The following SPACDR variants were observed in gnomAD, a reference collection of about 807,000 sequenced individuals.
SPACDR encodes the protein sperm acrosome developmental regulator.
the SPACDR span, chr7:100,463,518 C>A: frequency 1.2e-6 from 2 of 1,614,018 alleles, no homozygotes; most frequent in Non-Finnish European, 1.7e-6. Flanking sequence ...ACGCAGGGAT[C>A]TGCCAGCTCG....
At chr7:100,459,004 T>C in the SPACDR span, among the ~76,000 whole-genome samples, 21,325 of 146,998 alleles carry the variant, frequency 0.15, 1,563 homozygotes, top group East Asian at 0.16. Flanking sequence ...TTTTTACCTT[T>C]TTTTTTTTTT....
At chr7:100,457,618 CTTTT>C in the SPACDR span, among the ~76,000 whole-genome samples, 2 of 93,524 alleles carry the variant, frequency 2.1e-5, no homozygotes, top group Non-Finnish European at 2.1e-5. Context: ...CATGCCTGGC[CTTTT>C]TTTTTTTTTT....
At chr7:100,459,975 C>T in the SPACDR span, among the ~76,000 whole-genome samples, 1 of 151,604 alleles carries the variant, frequency 6.6e-6, no homozygotes, top group Non-Finnish European at 1.5e-5. Flanking sequence ...CTGCAAGCTC[C>T]GCCTCCCAGG....
the SPACDR span, among the ~76,000 whole-genome samples, chr7:100,460,337 C>T: frequency 2.6e-5 from 4 of 152,106 alleles, no homozygotes; most frequent in East Asian, 7.8e-4. Flanking sequence ...CGCCTGTAAT[C>T]CCAGTACTTT....
chr7:100,461,003 G>C, the SPACDR span, among the ~76,000 whole-genome samples: 697 of 152,274 alleles, frequency 4.6e-3, 6 homozygotes, highest in African/African-American at 0.016. Flanking sequence ...TGGCAACCCT[G>C]CCTTCTACCA....
the SPACDR span, among the ~76,000 whole-genome samples, chr7:100,457,801 A>ATGTG: frequency 9.7e-3 from 717 of 74,226 alleles, 10 homozygotes; most frequent in East Asian, 0.05. Context: ...TTATATATAT[A>ATGTG]TATGTGTGTG....
the SPACDR span, chr7:100,463,528 G>A: frequency 5.3e-5 from 86 of 1,612,364 alleles, no homozygotes; most frequent in African/African-American, 1.2e-4. Context: ...CTGCCAGCTC[G>A]GGGGACTCAC....
chr7:100,459,265 C>T, the SPACDR span, among the ~76,000 whole-genome samples: 4 of 151,700 alleles, frequency 2.6e-5, no homozygotes, highest in African/African-American at 7.3e-5. Flanking sequence ...CTGCCTCGGC[C>T]TCCCAAAGTG....
At chr7:100,457,089 C>T in the SPACDR span, 3 of 715,228 alleles carry the variant, frequency 4.2e-6, no homozygotes, top group Non-Finnish European at 6.9e-6. Context: ...CCTGATTCCA[C>T]CTCTCCCATC....
chr7:100,458,200 GTGT>G, the SPACDR span, among the ~76,000 whole-genome samples: 1 of 56,568 alleles, frequency 1.8e-5, no homozygotes, highest in East Asian at 6.8e-4. Flanking sequence ...TCACTGGTGT[GTGT>G]GTGTGTGTGT....
the SPACDR span, among the ~76,000 whole-genome samples, chr7:100,463,109 G>GA: frequency 7.5e-4 from 101 of 134,806 alleles, no homozygotes; most frequent in Middle Eastern, 7.4e-3. Flanking sequence ...GTCTCAGGGA[G>GA]AAAAAAAAAA....
At chr7:100,460,635 C>T in the SPACDR span, among the ~76,000 whole-genome samples, 1 of 150,308 alleles carries the variant, frequency 6.7e-6, no homozygotes, top group East Asian at 1.9e-4. Flanking sequence ...TCCTGTTTTC[C>T]AGAGTTGCTG....
chr7:100,461,127 A>G, the SPACDR span, among the ~76,000 whole-genome samples: 1 of 152,136 alleles, frequency 6.6e-6, no homozygotes, highest in African/African-American at 2.4e-5. Flanking sequence ...TGTATTGCCC[A>G]GGCTGGAGTG....
chr7:100,457,850 TATATA>T, the SPACDR span, among the ~76,000 whole-genome samples: 8 of 124,196 alleles, frequency 6.4e-5, no homozygotes, highest in African/African-American at 2.2e-4. Context: ...TGTATATATA[TATATA>T]TATTTTTTTT....
the SPACDR span, among the ~76,000 whole-genome samples, chr7:100,462,157 ATTG>A: frequency 6.6e-6 from 1 of 152,130 alleles, no homozygotes; most frequent in Non-Finnish European, 1.5e-5. Context: ...AGTCTTGTTC[ATTG>A]TTGTATCTTT....
the SPACDR span, chr7:100,463,443 G>A: frequency 6.2e-7 from 1 of 1,613,816 alleles, no homozygotes; most frequent in Non-Finnish European, 8.5e-7. Flanking sequence ...GTCCTCGGCA[G>A]CTGCAGTAGG....
At chr7:100,456,720 G>T in the SPACDR span, 1 of 1,456,814 alleles carries the variant, frequency 6.9e-7, no homozygotes, top group Non-Finnish European at 9.3e-7. Context: ...GTAAGAGTGA[G>T]GTCAGGACTC....
At chr7:100,458,238 G>A in the SPACDR span, among the ~76,000 whole-genome samples, 4 of 130,744 alleles carry the variant, frequency 3.1e-5, no homozygotes, top group Admixed American at 8.0e-5. Context: ...GTGTGTGTGT[G>A]TATAATTTTA....
the SPACDR span, among the ~76,000 whole-genome samples, chr7:100,458,061 C>T: frequency 6.6e-6 from 1 of 151,430 alleles, no homozygotes; most frequent in East Asian, 1.9e-4. Flanking sequence ...TCATAGAGAT[C>T]CTGTGCACCC....
Sources: allele counts gnomAD v4.1 joint callset (sites outside exome capture counted in the v4.1 genomes callset), GRCh38; gene constraint gnomAD v4.1.1; transcripts MANE v1.5; gene names NCBI Gene and HGNC (gene_info 2026-07-23, HGNC 2026-07-21).